Variants in G2E3 observed in about 807,000 individuals in gnomAD.
The protein encoded by G2E3 is G2/M-phase specific E3 ubiquitin protein ligase, also known as G2/M phase-specific E3 ubiquitin-protein ligase.
Under a neutral mutation model 92.8 loss-of-function variants are expected in G2E3, and 35 were observed. The ratio of observed to expected loss-of-function variants is 0.38; its 90% CI spans 0.29 to 0.50. The LOEUF is 0.50. Among genes scored for constraint, G2E3 ranks in the 20% least tolerant of loss-of-function variants. The pLI, the probability that G2E3 is intolerant of heterozygous loss-of-function variation, is 0.94. For missense variants in G2E3, 554 were observed against 823.8 expected, an observed-to-expected ratio of 0.67 and a Z score of 4.01; for synonymous variants, 242 against 272.4, an observed-to-expected ratio of 0.89 and a Z score of 1.10.
intron 1 of G2E3, among the ~76,000 whole-genome samples, chr14:30,579,561 T>G (rs1389104288): frequency 6.6e-6 from 1 of 152,218 alleles, no homozygotes; most frequent in African/African-American, 2.4e-5. Flanking sequence ...AAATAATCTG[T>G]GTCCTACATT....
At chr14:30,568,379 T>C (rs79514931) in intron 1 of G2E3, among the ~76,000 whole-genome samples, 5,566 of 152,222 alleles carry the variant, frequency 0.037, 151 homozygotes, top group East Asian at 0.15. Context: ...CTTTGCCTTT[T>C]AATTGGAGCG....
chr14:30,580,995 A>AT, intron 1 of G2E3, 81 bp from the exon 2 acceptor site: 1 of 777,674 alleles, frequency 1.3e-6, no homozygotes, highest in Non-Finnish European at 2.3e-6. Context: ...ATTTGTCATT[A>AT]TGCATTGACT....
intron 10 of G2E3, among the ~76,000 whole-genome samples, chr14:30,605,058 A>C (rs1308072662): frequency 6.6e-6 from 1 of 152,082 alleles, no homozygotes; most frequent in South Asian, 2.1e-4. Context: ...CACGACGCCC[A>C]GCTTATTTTG....
intron 1 of G2E3, among the ~76,000 whole-genome samples, chr14:30,569,659 T>C (rs530356999): frequency 6.6e-6 from 1 of 152,200 alleles, no homozygotes; most frequent in Admixed American, 6.5e-5. Flanking sequence ...GGCTGGTTAT[T>C]TAGAGCCTGA....
chr14:30,607,247 A>G (rs1259440950), intron 11 of G2E3, among the ~76,000 whole-genome samples: 1 of 152,198 alleles, frequency 6.6e-6, no homozygotes, highest in Non-Finnish European at 1.5e-5. Context: ...ACAAAGAGGT[A>G]CAAGTACAGT....
chr14:30,583,113 T>C (rs1483409423), intron 2 of G2E3, among the ~76,000 whole-genome samples: 1 of 152,210 alleles, frequency 6.6e-6, no homozygotes, highest in East Asian at 1.9e-4. Context: ...GTTTCTGCGG[T>C]ATGCAATCAT....
intron 13 of G2E3, among the ~76,000 whole-genome samples, chr14:30,614,067 T>G (rs1008755689): frequency 6.6e-6 from 1 of 152,170 alleles, no homozygotes; most frequent in Admixed American, 6.5e-5. Context: ...AAATGTTTTA[T>G]ATAGTTCCAA....
At chr14:30,563,137 T>A (rs371962276) in intron 1 of G2E3, among the ~76,000 whole-genome samples, 1 of 151,048 alleles carries the variant, frequency 6.6e-6, no homozygotes, top group African/African-American at 2.4e-5. Flanking sequence ...CCTGTGGGGC[T>A]GGTCCCTACA....
In G2E3 at chr14:30,619,544, A is replaced by C. The variant is rs1382354786; in HGVS notation, c.*3010A>C. The C allele has an allele frequency of 6.6e-6, 1 of 152,190 alleles. No individual in the cohort carries two copies. The highest frequency in any genetic ancestry group is 1.5e-5 in the Non-Finnish European group (1 of 67,986). The allele number at this position is 152,190 out of a possible 1,614,324, so 9.4% of individuals were successfully genotyped here. On this transcript the variant is annotated 3_prime_UTR_variant, in exon 15 of 15. Coordinates refer to ENST00000206595, the MANE Select transcript of G2E3 (RefSeq NM_017769.5). ...CAATACAAAGTTTCATGCTTCAAGT[A>C]ATGCAATACAAAACATAACCCATTT...
At chr14:30,587,556 A>G (rs1880779709) in intron 3 of G2E3, among the ~76,000 whole-genome samples, 1 of 152,184 alleles carries the variant, frequency 6.6e-6, no homozygotes, top group African/African-American at 2.4e-5. Flanking sequence ...GCTGAGCTGG[A>G]TAGTTCAGGC....
At chr14:30,567,781 T>A (rs1489429434) in intron 1 of G2E3, among the ~76,000 whole-genome samples, 1 of 152,062 alleles carries the variant, frequency 6.6e-6, no homozygotes, top group Non-Finnish European at 1.5e-5. Flanking sequence ...CTAATTTCCC[T>A]TGTGATTTCT....
At chr14:30,589,188 A>G (rs780431054) in intron 3 of G2E3, among the ~76,000 whole-genome samples, 195 bp from the exon 4 acceptor site, 1 of 152,058 alleles carries the variant, frequency 6.6e-6, no homozygotes, top group African/African-American at 2.4e-5. Flanking sequence ...AACTGATAAT[A>G]TACAGTGCCA....
rs926274035 is a variant in G2E3 at position 30,618,807 on chromosome 14, G to A, written c.*2273G>A. On this transcript the variant is annotated 3_prime_UTR_variant, in exon 15 of 15. Coordinates refer to ENST00000206595, the MANE Select transcript of G2E3 (RefSeq NM_017769.5). The stretch of plus-strand genomic sequence containing the variant: ...TGCAGTGTCATTTTGTCAAATGGTT[G>A]GTATTATAATTGTTCTTTTCTTATT... The A allele has an allele frequency of 1.4e-4, 22 of 151,914 alleles. No homozygotes were observed. Among genetic ancestry groups the A allele is most frequent in the Non-Finnish European group, 1.9e-4 (13 of 67,842 alleles). 9.4% of individuals were successfully genotyped at this position (151,914 alleles called of 1,614,324 possible). A position where few individuals can be genotyped will look rare whatever the true frequency, so the allele number is the denominator to read the frequency against.
intron 1 of G2E3, among the ~76,000 whole-genome samples, chr14:30,578,792 A>G (rs1880264446): frequency 6.6e-6 from 1 of 152,210 alleles, no homozygotes; most frequent in African/African-American, 2.4e-5. Context: ...GTCCTTTAAG[A>G]GGAGGCATTT....
chr14:30,602,153 A>T, intron 10 of G2E3, 22 bp downstream of exon 10: 1 of 1,560,158 alleles, frequency 6.4e-7, no homozygotes, highest in Non-Finnish European at 8.7e-7. Context: ...GAATTGGAGA[A>T]ATACATAAAA....
At position 30,617,570 on chromosome 14, in the gene G2E3, CAGTT is replaced by C. The variant is rs1882371420; in HGVS notation, c.*1038_*1041del. On this transcript the variant is annotated 3_prime_UTR_variant, in exon 15 of 15. Coordinates refer to ENST00000206595, the MANE Select transcript of G2E3 (RefSeq NM_017769.5). ...GGTAAGTTGACGCCATAGCATTATA[CAGTT>C]ATCTTCATTGCTCTTGAATGATATC... is the stretch of plus-strand genomic sequence containing the variant. 6.6e-6 allele frequency: 1 copy of C among 152,000 alleles called. No individual in the cohort carries two copies. The highest frequency in any genetic ancestry group is 1.5e-5 in the Non-Finnish European group (1 of 67,946). 9.4% of individuals were successfully genotyped at this position (152,000 alleles called of 1,614,324 possible). A position where few individuals can be genotyped will look rare whatever the true frequency, so the allele number is the denominator to read the frequency against.
intron 1 of G2E3, 189 bp from the exon 2 acceptor site, chr14:30,580,886 TA>T (rs1035193658): frequency 5.8e-6 from 3 of 518,786 alleles, no homozygotes; most frequent in Non-Finnish European, 1.1e-5. Context: ...CCCTTCAATT[TA>T]AAAAATGTTC....
intron 2 of G2E3, among the ~76,000 whole-genome samples, chr14:30,581,477 C>G (rs1431583547): frequency 6.6e-6 from 1 of 152,182 alleles, no homozygotes; most frequent in Non-Finnish European, 1.5e-5. Context: ...GAGGCTGAAG[C>G]AGGCAAATCA....
intron 1 of G2E3, among the ~76,000 whole-genome samples, chr14:30,571,319 A>G (rs765663700): frequency 2.0e-5 from 3 of 151,054 alleles, no homozygotes; most frequent in African/African-American, 4.9e-5. Flanking sequence ...TGTGATGTCT[A>G]TTTGAGTTGT....
Sources: gnomAD v4.1 joint callset for allele counts (sites outside exome capture counted in the v4.1 genomes callset) on GRCh38, gnomAD v4.1.1 for gene constraint, MANE v1.5 for transcripts, NCBI Gene and HGNC (gene_info 2026-07-23, HGNC 2026-07-21) for gene names.